Variants in TACC1 observed in about 807,000 individuals in gnomAD.
The protein encoded by TACC1 is transforming acidic coiled-coil-containing protein 1.
Under a neutral mutation model 84.4 loss-of-function variants are expected in TACC1, and 48 were observed. The observed-to-expected ratio is 0.57, with a 90% CI of 0.45 to 0.72. TACC1 has a LOEUF of 0.72. TACC1 is among the 30% of genes least tolerant of loss of function. The pLI, the probability that TACC1 is intolerant of heterozygous loss-of-function variation, is 0.00. For synonymous variants in TACC1, 372 were observed against 376.3 expected, an observed-to-expected ratio of 0.99 and a Z score of 0.13; for missense variants, 920 against 973.0, an observed-to-expected ratio of 0.95 and a Z score of 0.72.
intron 2 of TACC1, among the ~76,000 whole-genome samples, chr8:38,743,737 C>G (rs1346115463): frequency 1.3e-5 from 2 of 152,078 alleles, no homozygotes; most frequent in Non-Finnish European, 2.9e-5. Flanking sequence ...TAAAAGAAAT[C>G]TGGGCCAGGC....
intron 2 of TACC1, among the ~76,000 whole-genome samples, chr8:38,810,940 G>A (rs1382890744): frequency 1.3e-5 from 2 of 152,040 alleles, no homozygotes; most frequent in African/African-American, 2.4e-5. Context: ...AACGTAGTGC[G>A]ACCCCGCCAT....
At chr8:38,823,147 G>A (rs1827251790) in intron 3 of TACC1, among the ~76,000 whole-genome samples, 1 of 152,192 alleles carries the variant, frequency 6.6e-6, no homozygotes, top group African/African-American at 2.4e-5. Flanking sequence ...GAGGTTTAAA[G>A]AGCAGAAGGA....
At chr8:38,847,617 A>G (rs950044525) in intron 12 of TACC1, among the ~76,000 whole-genome samples, 9 of 152,202 alleles carry the variant, frequency 5.9e-5, no homozygotes, top group Non-Finnish European at 1.2e-4. Flanking sequence ...TAGATATGCT[A>G]ATGGATTGAG....
upstream of TACC1, among the ~76,000 whole-genome samples, chr8:38,783,118 A>C (rs71517735): frequency 0.017 from 2,558 of 146,430 alleles, 44 homozygotes; most frequent in Non-Finnish European, 0.024. Flanking sequence ...ATATATATAT[A>C]TATATATATA....
chr8:38,761,377 C>T (rs750732562), intron 3 of TACC1, among the ~76,000 whole-genome samples: 3 of 152,206 alleles, frequency 2.0e-5, no homozygotes, highest in Admixed American at 6.5e-5. Flanking sequence ...CCAGACCAAT[C>T]GTTTGCATTT....
chr8:38,747,178 C>G (rs1380248111), intron 3 of TACC1, among the ~76,000 whole-genome samples: 1 of 152,110 alleles, frequency 6.6e-6, no homozygotes, highest in Non-Finnish European at 1.5e-5. Context: ...ACTAGAATAG[C>G]CAAAATTCAA....
chr8:38,819,386 C>T, intron 2 of TACC1, 136 bp from the exon 3 acceptor site: 1 of 1,031,204 alleles, frequency 9.7e-7, no homozygotes, highest in South Asian at 1.8e-5. Flanking sequence ...TGCTGCCATC[C>T]TTCCTGAACT....
chr8:38,842,778 T>A (rs1831509161), intron 10 of TACC1, among the ~76,000 whole-genome samples: 1 of 152,244 alleles, frequency 6.6e-6, no homozygotes, highest in Admixed American at 6.5e-5. Context: ...TTCTTTCTGG[T>A]AATTCACCTT....
At chr8:38,730,834 C>T (rs543704308) in intron 1 of TACC1, among the ~76,000 whole-genome samples, 1 of 152,302 alleles carries the variant, frequency 6.6e-6, no homozygotes, top group South Asian at 2.1e-4. Context: ...GAAGAGTGCT[C>T]CTAAGAATAA....
At chr8:38,800,415 C>T (rs1821075356) in intron 2 of TACC1, among the ~76,000 whole-genome samples, 1 of 152,116 alleles carries the variant, frequency 6.6e-6, no homozygotes, top group African/African-American at 2.4e-5. Flanking sequence ...ACACTCCATT[C>T]CTCTTCCTTC....
intron 7 of TACC1, 31 bp from the exon 8 acceptor site, chr8:38,838,439 T>C: frequency 6.5e-7 from 1 of 1,533,622 alleles, no homozygotes; most frequent in South Asian, 1.1e-5. Flanking sequence ...TTGTAATAGA[T>C]TGGGTAAAAC....
At chr8:38,847,153 C>T (rs1244615929) in intron 12 of TACC1, among the ~76,000 whole-genome samples, 1 of 152,176 alleles carries the variant, frequency 6.6e-6, no homozygotes, top group Non-Finnish European at 1.5e-5. Context: ...CCATCTTCCC[C>T]CTTCATTGCT....
intron 2 of TACC1, among the ~76,000 whole-genome samples, chr8:38,792,421 G>A (rs372188907): frequency 1.3e-4 from 20 of 152,196 alleles, no homozygotes; most frequent in African/African-American, 4.8e-4. Context: ...AGCCTCCTGA[G>A]TAGCTGGGAC....
chr8:38,811,743 A>C (rs752761970), intron 2 of TACC1, among the ~76,000 whole-genome samples: 36 of 152,364 alleles, frequency 2.4e-4, no homozygotes, highest in Non-Finnish European at 3.2e-4. Flanking sequence ...GTGTTTAAAC[A>C]ATATGAAATC....
rs10096873 is a variant in TACC1, at chr8:38,818,455, C to T, written c.278-1067C>T. ...AACGAAATTACCTCATTCACACCTT[C>T]CTAATATTTGCAGCACTTATCCTAG... On this transcript the variant is annotated intron_variant, in intron 2 of 12. Transcript: ENST00000317827. Among the ~76,000 whole-genome samples the T allele has an allele frequency of 1.7e-3, 263 of 152,230 alleles. 3 individuals are homozygous for T. The highest frequency in any genetic ancestry group is 6.0e-3 in the African/African-American group (251 of 41,528).
chr8:38,825,495 C>A, intron 4 of TACC1, 127 bp downstream of exon 4: 1 of 901,664 alleles, frequency 1.1e-6, no homozygotes, highest in East Asian at 2.5e-5. Context: ...TTTAAGAAGC[C>A]AATTTCCAGA....
chr8:38,752,002 C>T (rs1232044741), intron 3 of TACC1, among the ~76,000 whole-genome samples: 1 of 152,156 alleles, frequency 6.6e-6, no homozygotes, highest in East Asian at 1.9e-4. Context: ...CTTTCGTTAA[C>T]CACCAAGCGT....
chr8:38,790,523 G>A (rs1350055860), intron 2 of TACC1, among the ~76,000 whole-genome samples: 2 of 152,192 alleles, frequency 1.3e-5, no homozygotes, highest in Non-Finnish European at 2.9e-5. Flanking sequence ...TGGTTTCTCT[G>A]TTCCAGTATC....
chr8:38,813,025 T>C lies in TACC1; in HGVS notation c.278-6497T>C, dbSNP rs141116232. Among the ~76,000 whole-genome samples, 20 of 152,366 alleles carry C rather than the reference T, an allele frequency of 1.3e-4. No individual in the cohort carries two copies. In the East Asian group the frequency reaches 3.7e-3, roughly 28 times the overall value. On this transcript the variant is annotated intron_variant, in intron 2 of 12. Coordinates refer to ENST00000317827, the MANE Select transcript of TACC1 (RefSeq NM_006283.3). The stretch of plus-strand genomic sequence containing the variant: ...TTGCATGATTGTTTGTTTTCTCTTA[T>C]ATTGAGTTGAAATCCACTTTCCTCT...
Sources: allele counts gnomAD v4.1 joint callset (sites outside exome capture counted in the v4.1 genomes callset), GRCh38; gene constraint gnomAD v4.1.1; transcripts MANE v1.5; gene names NCBI Gene and HGNC (gene_info 2026-07-23, HGNC 2026-07-21).